CHODL: variants seen among roughly 807,000 people sequenced by gnomAD.
The protein encoded by CHODL is transmembrane protein MT75.
In CHODL, 29 loss-of-function variants were observed where a neutral mutation model predicts 34.5. That is an observed-to-expected ratio of 0.84 (90% CI 0.63 to 1.15). The LOEUF (loss-of-function observed/expected upper bound fraction) is 1.15, where lower values mean the gene tolerates loss of function less well. CHODL is among the 50% of genes most tolerant of loss of function. CHODL has a pLI of 0.00. For synonymous variants in CHODL, 125 were observed against 116.1 expected, an observed-to-expected ratio of 1.08 and a Z score of -0.49; for missense variants, 332 against 332.5, an observed-to-expected ratio of 1.00 and a Z score of 0.01.
At chr21:18,255,784 T>C (rs1364032496) in intron 1 of CHODL, among the ~76,000 whole-genome samples, 1 of 152,120 alleles carries the variant, frequency 6.6e-6, no homozygotes, top group Non-Finnish European at 1.5e-5. Context: ...CAGAGATGTC[T>C]CTGTAAAATG....
chr21:18,161,022 A>T (rs2073089261), intron 2 of CHODL, among the ~76,000 whole-genome samples: 1 of 152,148 alleles, frequency 6.6e-6, no homozygotes, highest in South Asian at 2.1e-4. Context: ...AATAATAGCC[A>T]TTCTGATTGG....
At chr21:18,092,875 T>C (rs2065090799) in intron 2 of CHODL, among the ~76,000 whole-genome samples, 1 of 152,204 alleles carries the variant, frequency 6.6e-6, no homozygotes, top group African/African-American at 2.4e-5. Context: ...TAAGGCCTCT[T>C]CTTCTTTAAA....
intron 5 of CHODL, among the ~76,000 whole-genome samples, chr21:18,263,353 G>T (rs1036752507): frequency 6.6e-6 from 1 of 152,074 alleles, no homozygotes; most frequent in Admixed American, 6.5e-5. Flanking sequence ...TCAAGTCACA[G>T]GTTTCTGTTT....
chr21:18,095,883 A>G (rs2065133428), intron 2 of CHODL, among the ~76,000 whole-genome samples: 2 of 152,226 alleles, frequency 1.3e-5, no homozygotes, highest in African/African-American at 2.4e-5. Flanking sequence ...TATCATCTCA[A>G]GAGAATGAGG....
chr21:17,973,802 G>GAA lies in CHODL; in HGVS notation c.-144-54056_-144-54055dup, dbSNP rs369903501. Among the ~76,000 whole-genome samples, 326 of 125,036 alleles carry GAA rather than the reference G, an allele frequency of 2.6e-3. 4 individuals carry two copies. The highest frequency in any genetic ancestry group is 9.3e-3 in the African/African-American group (317 of 34,108). The allele number at this position is 125,036 out of a possible 152,430, so 82.0% of individuals were successfully genotyped here. A position where few individuals can be genotyped will look rare whatever the true frequency, so the allele number is the denominator to read the frequency against. ...GCCTTGTTAGGTTACTATCTTTCAG[G>GAA]AAAAAAAAAAAAAAAGGACCTCAGA... On this transcript the variant is annotated intron_variant, in intron 1 of 6. Transcript: ENST00000400127.
At chr21:17,944,011 T>C (rs1025318081) in intron 1 of CHODL, among the ~76,000 whole-genome samples, 2 of 152,182 alleles carry the variant, frequency 1.3e-5, no homozygotes, top group African/African-American at 4.8e-5. Flanking sequence ...GCTAAACTTA[T>C]AGTACACTGG....
chr21:18,141,356 A>G (rs187636326), intron 2 of CHODL, among the ~76,000 whole-genome samples: 2 of 151,532 alleles, frequency 1.3e-5, no homozygotes, highest in East Asian at 3.9e-4. Flanking sequence ...GACCATTTTC[A>G]TAACCTTCTC....
chr21:18,167,517 G>A (rs143032894), intron 2 of CHODL, among the ~76,000 whole-genome samples: 1,974 of 151,858 alleles, frequency 0.013, 34 homozygotes, highest in African/African-American at 0.044. Flanking sequence ...CACCGTGTTA[G>A]CCAAGATGGT....
intron 2 of CHODL, among the ~76,000 whole-genome samples, chr21:18,150,457 A>C (rs1023471544): frequency 7.9e-5 from 12 of 152,146 alleles, no homozygotes; most frequent in Admixed American, 3.9e-4. Context: ...TTTGGTTTGC[A>C]GTACAGTTCC....
chr21:18,173,650 G>T (rs1384354055), intron 2 of CHODL, among the ~76,000 whole-genome samples: 1 of 152,006 alleles, frequency 6.6e-6, no homozygotes, highest in East Asian at 1.9e-4. Flanking sequence ...CTTTAATTCT[G>T]CTCTCAAGGC....
chr21:18,247,096 A>G (rs1387729399), intron 1 of CHODL, among the ~76,000 whole-genome samples: 1 of 152,208 alleles, frequency 6.6e-6, no homozygotes, highest in Non-Finnish European at 1.5e-5. Context: ...TTATTTGAAG[A>G]CTAATTTCTT....
At chr21:18,146,704 C>T (rs2072894567) in intron 2 of CHODL, among the ~76,000 whole-genome samples, 1 of 152,184 alleles carries the variant, frequency 6.6e-6, no homozygotes, top group Non-Finnish European at 1.5e-5. Context: ...TAATACAGTA[C>T]TTACACATTT....
At chr21:18,171,534 A>G (rs919019035) in intron 2 of CHODL, among the ~76,000 whole-genome samples, 3 of 152,012 alleles carry the variant, frequency 2.0e-5, no homozygotes, top group Non-Finnish European at 4.4e-5. Flanking sequence ...CATGTTTATA[A>G]GAGCCAATTT....
At chr21:18,160,302 TA>T (rs1254885660) in intron 2 of CHODL, among the ~76,000 whole-genome samples, 4 of 152,146 alleles carry the variant, frequency 2.6e-5, no homozygotes, top group Admixed American at 2.0e-4. Context: ...ATTTTGGGGG[TA>T]AAAGAGTATT....
At chr21:17,991,658 ATT>A (rs35600353) in intron 1 of CHODL, among the ~76,000 whole-genome samples, 40,853 of 128,212 alleles carry the variant, frequency 0.32, 6,231 homozygotes, top group Non-Finnish European at 0.37. Flanking sequence ...AGATTATTTG[ATT>A]TTTTTTTTTT....
At chr21:18,020,416 G>A (rs2064117300) in intron 1 of CHODL, among the ~76,000 whole-genome samples, 1 of 152,088 alleles carries the variant, frequency 6.6e-6, no homozygotes, top group Non-Finnish European at 1.5e-5. Context: ...AATTGCAGTG[G>A]TACCTTCATA....
At position 18,188,494 on chromosome 21, in the gene CHODL, A is replaced by G. The variant is rs530739083; in HGVS notation, c.-44-68015A>G. ...AAATAGATGGTTTATAATCTATATG[A>G]TTCAAACAAAATAGAAATCTTTATT... On this transcript the variant is annotated intron_variant, in intron 2 of 6. Coordinates refer to the CHODL transcript ENST00000400127. Among the ~76,000 whole-genome samples the G allele has an allele frequency of 2.6e-5, 4 of 152,352 alleles. No individual in the cohort carries two copies. In the East Asian group the frequency reaches 7.7e-4, roughly 29 times the overall value.
intron 1 of CHODL, among the ~76,000 whole-genome samples, chr21:17,934,127 A>G (rs1036551942): frequency 6.6e-6 from 1 of 152,084 alleles, no homozygotes; most frequent in Non-Finnish European, 1.5e-5. Flanking sequence ...CCTATTGGAT[A>G]CAATGTTCAC....
chr21:18,117,554 A>C (rs1241397957), intron 2 of CHODL, among the ~76,000 whole-genome samples: 3 of 151,944 alleles, frequency 2.0e-5, no homozygotes, highest in Non-Finnish European at 2.9e-5. Context: ...ATTCATAAAA[A>C]AATTACTCCC....
Sources: allele counts gnomAD v4.1 joint callset (sites outside exome capture counted in the v4.1 genomes callset), GRCh38; gene constraint gnomAD v4.1.1; transcripts MANE v1.5; gene names NCBI Gene and HGNC (gene_info 2026-07-23, HGNC 2026-07-21).